The following EYS variants were observed in gnomAD, a reference collection of about 807,000 sequenced individuals.
The protein encoded by EYS is EGF-like photoreceptor maintenance factor, also known as protein eyes shut homolog.
EYS carries 250 observed loss-of-function variants against 282.1 expected under a neutral mutation model. The observed-to-expected ratio is 0.89, with a 90% confidence interval of 0.80 to 0.98. The LOEUF is 0.98. Among genes scored for constraint, EYS ranks in the 50% least tolerant of loss-of-function variants. The pLI is 0.00. For synonymous variants in EYS, 1,355 were observed against 1,282.9 expected, an observed-to-expected ratio of 1.06 and a Z score of -1.20; for missense variants, 4,016 against 3,709.0, an observed-to-expected ratio of 1.08 and a Z score of -2.15.
rs542772534 is a variant in EYS, at chr6:64,555,977, A to C, written c.5644+34246T>G. On this transcript the variant is annotated intron_variant, in intron 26 of 42. Coordinates refer to ENST00000503581, the MANE Select transcript of EYS (RefSeq NM_001142800.2). The stretch of plus-strand genomic sequence containing the variant: ...AATAGCAAAAATTAAAAGAACAAAA[A>C]CAGACAATAAAAAGTGCTGACAAGG... Among the ~76,000 whole-genome samples the C allele has an allele frequency of 3.3e-5, 5 of 152,140 alleles. No individual in the cohort carries two copies. The South Asian group carries it at 1.0e-3, about 32-fold the overall frequency.
At chr6:64,744,151 C>T (rs1247340193) in intron 22 of EYS, among the ~76,000 whole-genome samples, 2 of 152,092 alleles carry the variant, frequency 1.3e-5, no homozygotes, top group Non-Finnish European at 2.9e-5. Flanking sequence ...TTTTGCCATT[C>T]AATGAGCTTT....
At chr6:65,244,506 T>TTATG (rs1767130544) in intron 12 of EYS, among the ~76,000 whole-genome samples, 1 of 148,412 alleles carries the variant, frequency 6.7e-6, no homozygotes, top group African/African-American at 2.6e-5. Flanking sequence ...TCCGAACTAT[T>TTATG]TATTTATTTA....
intron 12 of EYS, among the ~76,000 whole-genome samples, chr6:65,119,341 T>A (rs941748217): frequency 1.3e-5 from 2 of 152,162 alleles, no homozygotes; most frequent in African/African-American, 4.8e-5. Flanking sequence ...AAAGTCATCA[T>A]CTTATACCAA....
chr6:65,244,819 G>A (rs1767141909), intron 12 of EYS, among the ~76,000 whole-genome samples: 1 of 151,918 alleles, frequency 6.6e-6, no homozygotes, highest in Non-Finnish European at 1.5e-5. Flanking sequence ...ACCGCGCCTG[G>A]CCCGAACTTA....
rs375442777 is a variant in EYS at position 63,789,039 on chromosome 6, C to T, written c.7578+19G>A. ...TAGTGCTCTCAGTTTGTGGAAGTGA[C>T]GAAGGAATGACTCTTTACCTTCAGC... is the stretch of plus-strand genomic sequence containing the variant. On this transcript the variant is annotated intron_variant, in intron 38 of 42. Coordinates refer to ENST00000503581, the MANE Select transcript of EYS (RefSeq NM_001142800.2). 126 of 1,548,424 alleles carry T rather than the reference C, an allele frequency of 8.1e-5. No individual in the cohort carries two copies. The highest frequency in any genetic ancestry group is 5.9e-4 in the African/African-American group (43 of 72,932).
chr6:65,147,407 G>A (rs564163217), intron 12 of EYS, among the ~76,000 whole-genome samples: 152 of 151,938 alleles, frequency 1.0e-3, no homozygotes, highest in African/African-American at 3.4e-3. Context: ...TAGAATTTTC[G>A]ATGAAAATGT....
chr6:65,497,325 A>G (rs10944813), intron 2 of EYS, among the ~76,000 whole-genome samples: 45,162 of 151,838 alleles, frequency 0.3, 7,047 homozygotes, highest in African/African-American at 0.39. Context: ...ATAGTCTAAC[A>G]GTCTGAGACA....
chr6:64,770,636 T>A (rs1773497911), intron 22 of EYS, among the ~76,000 whole-genome samples: 1 of 151,864 alleles, frequency 6.6e-6, no homozygotes, highest in African/African-American at 2.4e-5. Context: ...TTACAGTAGG[T>A]GAGTTTGGAA....
intron 8 of EYS, among the ~76,000 whole-genome samples, chr6:65,375,156 GC>G (rs1301541453): frequency 2.0e-5 from 3 of 152,274 alleles, no homozygotes; most frequent in African/African-American, 7.2e-5. Context: ...TCTGGTGGGT[GC>G]CCCTCTGGGA....
At chr6:64,598,098 C>T (rs543023885) in intron 24 of EYS, among the ~76,000 whole-genome samples, 81 of 152,230 alleles carry the variant, frequency 5.3e-4, no homozygotes, top group African/African-American at 1.9e-3. Flanking sequence ...AAAATATCCA[C>T]AGCAAACAAA....
At chr6:64,282,165 T>C (rs1212856035) in intron 30 of EYS, among the ~76,000 whole-genome samples, 4 of 152,146 alleles carry the variant, frequency 2.6e-5, no homozygotes, top group Non-Finnish European at 5.9e-5. Flanking sequence ...CAATTTATTT[T>C]AATTAGCCAG....
At chr6:63,797,002 C>A (rs1006982942) in intron 37 of EYS, among the ~76,000 whole-genome samples, 6 of 152,100 alleles carry the variant, frequency 3.9e-5, no homozygotes, top group African/African-American at 1.4e-4. Context: ...GGTGGGAGTT[C>A]CCATCTGGAG....
At chr6:65,343,046 A>G (rs12660175) in intron 10 of EYS, among the ~76,000 whole-genome samples, 33,828 of 150,920 alleles carry the variant, frequency 0.22, 4,049 homozygotes, top group South Asian at 0.39. Flanking sequence ...TTGGCAAAAT[A>G]TATATATATG....
intron 29 of EYS, among the ~76,000 whole-genome samples, chr6:64,346,773 T>G (rs2150400603): frequency 6.6e-6 from 1 of 151,558 alleles, no homozygotes; most frequent in Middle Eastern, 3.4e-3. Flanking sequence ...AATGATGCAG[T>G]TACTCTAGTG....
intron 31 of EYS, among the ~76,000 whole-genome samples, chr6:64,217,147 C>T (rs1161415313): frequency 6.6e-6 from 1 of 152,160 alleles, no homozygotes; most frequent in African/African-American, 2.4e-5. Context: ...TAAAGATCTT[C>T]AGAATTCAGC....
intron 31 of EYS, among the ~76,000 whole-genome samples, chr6:64,085,433 T>C (rs950406068): frequency 1.3e-5 from 2 of 152,084 alleles, no homozygotes; most frequent in African/African-American, 4.8e-5. Context: ...ACTTTCTAAG[T>C]GATCCAGCTG....
chr6:64,153,790 T>C (rs954859641), intron 31 of EYS, among the ~76,000 whole-genome samples: 1 of 152,214 alleles, frequency 6.6e-6, no homozygotes, highest in Non-Finnish European at 1.5e-5. Flanking sequence ...ATTTTACTTG[T>C]AGTTATACAT....
intron 14 of EYS, among the ~76,000 whole-genome samples, chr6:64,961,265 T>A (rs993146457): frequency 2.6e-5 from 4 of 152,154 alleles, no homozygotes; most frequent in African/African-American, 9.6e-5. Context: ...TTGACTTTGA[T>A]TATGGAATGT....
intron 14 of EYS, among the ~76,000 whole-genome samples, chr6:64,993,462 C>A (rs1008581821): frequency 3.3e-4 from 49 of 150,768 alleles, no homozygotes; most frequent in African/African-American, 1.1e-3. Flanking sequence ...TCATTCTCAG[C>A]AAACTACCGC....
Sources: allele counts gnomAD v4.1 joint callset (sites outside exome capture counted in the v4.1 genomes callset), GRCh38; gene constraint gnomAD v4.1.1; transcripts MANE v1.5; gene names NCBI Gene and HGNC (gene_info 2026-07-23, HGNC 2026-07-21).